Variants in ALPK1 observed in about 807,000 individuals in gnomAD.
ALPK1 encodes the protein alpha kinase 1.
Under a neutral mutation model 120.6 loss-of-function variants are expected in ALPK1, and 110 were observed. That is an observed-to-expected ratio of 0.91 (90% CI 0.78 to 1.07). The LOEUF (loss-of-function observed/expected upper bound fraction) is 1.07. ALPK1 is among the 50% of genes least tolerant of loss of function. The probability of loss-of-function intolerance (pLI) is 0.00; values close to 1 mark genes in which losing one functional copy is unlikely to be tolerated. For synonymous variants in ALPK1, 582 were observed against 560.3 expected (o/e 1.04, Z -0.55); for missense variants, 1,498 against 1,483.9 (o/e 1.01, Z -0.16).
rs376665049 is a variant in ALPK1, at chr4:112,351,714, T to C, written c.-100-25964T>C. 4.3e-4 allele frequency among the ~76,000 whole-genome samples: 65 copies of C among 152,302 alleles called. 1 individual carries two copies. The highest frequency in any genetic ancestry group is 1.5e-3 in the African/African-American group (61 of 41,570). ...GTCTCGAACTTCTGACCTCAGGTGATCTGCCCGCCTCAACCTCCCAAACTG... is the reference window on the plus strand; with the variant it reads ...GTCTCGAACTTCTGACCTCAGGTGACCTGCCCGCCTCAACCTCCCAAACTG... On this transcript the variant is annotated intron_variant, in intron 2 of 15. Coordinates refer to ENST00000650871, the MANE Select transcript of ALPK1 (RefSeq NM_025144.4).
chr4:112,402,963 T>C (rs144599141), intron 4 of ALPK1, among the ~76,000 whole-genome samples: 4 of 152,148 alleles, frequency 2.6e-5, no homozygotes, highest in Admixed American at 1.3e-4. Flanking sequence ...TCAAATTCCA[T>C]GTAGACCAAT....
At chr4:112,328,877 C>A (rs1729232071) in intron 2 of ALPK1, among the ~76,000 whole-genome samples, 1 of 152,162 alleles carries the variant, frequency 6.6e-6, no homozygotes, top group African/African-American at 2.4e-5. Context: ...AGATTGATGA[C>A]CTTGTACTAC....
At chr4:112,411,134 C>G (rs1733433211) in intron 4 of ALPK1, 2 of 154,956 alleles carry the variant, frequency 1.3e-5, no homozygotes, top group South Asian at 4.1e-4. Context: ...CTCTCCCTAA[C>G]CATTGTCAAG....
chr4:112,430,481 A>C lies in ALPK1; in HGVS notation c.934A>C (p.Ser312Arg). ...TGGCACGTGTTTATTGTCCTACAGT[A>C]GTTCAAATGACTGTCCTCCAGAATT... ...IRGTCLLSYS[S>R]SNDCPPELKN... The change falls in exon 11 of 16, where the codon AGT becomes CGT. Residue 312 changes from serine to arginine, a missense_variant. Transcript: ENST00000650871. 6.2e-7 allele frequency: 1 copy of C among 1,611,940 alleles called. No individual in the cohort carries two copies. Among genetic ancestry groups the C allele is most frequent in the Non-Finnish European group, 8.5e-7 (1 of 1,178,990 alleles).
chr4:112,404,013 G>T (rs1390160735), intron 4 of ALPK1, among the ~76,000 whole-genome samples: 1 of 152,254 alleles, frequency 6.6e-6, no homozygotes, highest in Non-Finnish European at 1.5e-5. Context: ...GCACGTGTGT[G>T]CTTAGAAGGC....
intron 2 of ALPK1, chr4:112,356,011 G>A (rs946211319): frequency 6.0e-6 from 4 of 668,244 alleles, no homozygotes; most frequent in Non-Finnish European, 8.2e-6. Flanking sequence ...GTGTCCCAGT[G>A]TGCATGCTCG....
intron 4 of ALPK1, among the ~76,000 whole-genome samples, chr4:112,397,834 A>G (rs1054396663): frequency 1.4e-4 from 21 of 152,210 alleles, no homozygotes; most frequent in African/African-American, 5.1e-4. Flanking sequence ...TAAAATATAT[A>G]TATTCCTAGG....
Position 112,431,579 on chromosome 4 carries a change from A to G in ALPK1, c.2032A>G (p.Asn678Asp), listed in dbSNP as rs1402369957. ...GCCCTTGACACCCTTCTCGCCTCATAATACCCCAGGCATTTTCTTGGCCCC... is the reference window on the plus strand; with the variant it reads ...GCCCTTGACACCCTTCTCGCCTCATGATACCCCAGGCATTTTCTTGGCCCC... ...QMPLTPFSPHNTPGIFLAPGA... is the reference protein window; with the variant it reads ...QMPLTPFSPHDTPGIFLAPGA... The change falls in exon 11 of 16, where the codon AAT becomes GAT. Residue 678 changes from asparagine (N) to aspartate (D), a missense_variant. By Grantham distance (23) the Asn-to-Asp change is conservative. Transcript: ENST00000650871. 6.2e-7 allele frequency: 1 copy of G among 1,614,056 alleles called. No individual in the cohort carries two copies. Among genetic ancestry groups the G allele is most frequent in the Admixed American group, 1.7e-5 (1 of 60,006 alleles).
intron 2 of ALPK1, chr4:112,356,525 G>C: frequency 1.0e-5 from 9 of 861,380 alleles, no homozygotes; most frequent in Non-Finnish European, 1.8e-5. Flanking sequence ...CCTCCTACCG[G>C]CCTGAGGTGT....
At position 112,431,678 on chromosome 4, in the gene ALPK1, G is replaced by A; in HGVS notation, c.2131G>A (p.Ala711Thr). ...VRNMGPRNTSAHSRPSYRSAS... is the reference protein window; with the variant it reads ...VRNMGPRNTSTHSRPSYRSAS... ...AAATATGGGACCCAGAAATACTTCT[G>A]CTCACTCCAGACCCTCATATCGTTC... Residue 711 changes from alanine to threonine, a missense_variant, in exon 11 of 16, where the codon GCT (alanine) becomes ACT (threonine). Coordinates refer to ENST00000650871, the MANE Select transcript of ALPK1 (RefSeq NM_025144.4). 6.2e-7 allele frequency: 1 copy of A among 1,614,188 alleles called. No individual in the cohort carries two copies.
At chr4:112,378,710 A>G (rs1411241410) in intron 3 of ALPK1, among the ~76,000 whole-genome samples, 1 of 152,220 alleles carries the variant, frequency 6.6e-6, no homozygotes, top group East Asian at 1.9e-4. Context: ...CCTCACAGAA[A>G]CAAGATTCCC....
chr4:112,415,744 T>C (rs1157437917), intron 5 of ALPK1, among the ~76,000 whole-genome samples: 1 of 152,136 alleles, frequency 6.6e-6, no homozygotes. Flanking sequence ...TGTTTTTATA[T>C]AGACAGGATA....
At chr4:112,423,165 A>G (rs1267239551) in intron 5 of ALPK1, among the ~76,000 whole-genome samples, 1 of 152,234 alleles carries the variant, frequency 6.6e-6, no homozygotes, top group Middle Eastern at 3.2e-3. Flanking sequence ...GCCTTCAGAG[A>G]CAGTGACATT....
In ALPK1 at chr4:112,304,706, TTCAC is replaced by T. The variant is rs1727950600; in HGVS notation, c.-153+7240_-153+7243del. 7.9e-5 allele frequency among the ~76,000 whole-genome samples: 12 copies of T among 152,274 alleles called. 1 individual carries two copies. In the South Asian group the frequency reaches 2.5e-3, roughly 32 times the overall value. ...TTTCTCCCATTCTGTAGGTTGCCTG[TTCAC>T]TCTGATGGTAGTTTCTTTTGCTGTG... On this transcript the variant is annotated intron_variant, in intron 1 of 15. Coordinates refer to ENST00000650871, the MANE Select transcript of ALPK1 (RefSeq NM_025144.4).
At chr4:112,382,085 C>G (rs1196458113) in intron 3 of ALPK1, among the ~76,000 whole-genome samples, 1 of 152,134 alleles carries the variant, frequency 6.6e-6, no homozygotes, top group African/African-American at 2.4e-5. Context: ...TTCCTTCATT[C>G]CTTTCTCTGA....
intron 2 of ALPK1, among the ~76,000 whole-genome samples, chr4:112,367,184 CAAAAT>C (rs1731199677): frequency 6.6e-6 from 1 of 152,010 alleles, no homozygotes; most frequent in Non-Finnish European, 1.5e-5. Flanking sequence ...ACCTGTTCCC[CAAAAT>C]GCTATTGAAA....
intron 4 of ALPK1, chr4:112,383,249 C>A (rs535819645): frequency 6.6e-6 from 1 of 151,936 alleles, no homozygotes; most frequent in East Asian, 1.9e-4. Context: ...TACCCACATT[C>A]TCTCGGAAGA....
intron 2 of ALPK1, among the ~76,000 whole-genome samples, chr4:112,375,914 G>A (rs1411054998): frequency 1.3e-5 from 2 of 152,124 alleles, no homozygotes; most frequent in Middle Eastern, 3.2e-3. Context: ...CATAGAGGCT[G>A]CTGTAGGGTT....
chr4:112,311,981 G>A (rs1304491976), intron 1 of ALPK1, among the ~76,000 whole-genome samples: 1 of 151,818 alleles, frequency 6.6e-6, no homozygotes, highest in Non-Finnish European at 1.5e-5. Flanking sequence ...GGGTCACAGT[G>A]TTTTTTTTCT....
Sources: gnomAD v4.1 joint callset for allele counts (sites outside exome capture counted in the v4.1 genomes callset) on GRCh38, gnomAD v4.1.1 for gene constraint, MANE v1.5 for transcripts, NCBI Gene and HGNC (gene_info 2026-07-23, HGNC 2026-07-21) for gene names.